The following CCDC85C variants were observed in gnomAD, a reference collection of about 807,000 sequenced individuals.
CCDC85C encodes coiled-coil domain-containing protein 85C.
A neutral mutation model predicts 38.3 loss-of-function variants in CCDC85C; 18 were observed. The ratio of observed to expected loss-of-function variants is 0.47; its 90% CI spans 0.33 to 0.70. The LOEUF (loss-of-function observed/expected upper bound fraction) is 0.70, where lower values mean the gene tolerates loss of function less well. CCDC85C is among the 30% of genes least tolerant of loss of function. CCDC85C has a pLI of 0.03. For missense variants in CCDC85C, 566 were observed against 621.2 expected (o/e 0.91, Z 0.94); for synonymous variants, 264 against 293.8 (o/e 0.90, Z 1.04).
Position 99,535,498 on chromosome 14 carries a change from C to T in CCDC85C, c.867+517G>A, listed in dbSNP as rs1897577722. Among the ~76,000 whole-genome samples, 1 of 152,150 alleles carries T rather than the reference C, an allele frequency of 6.6e-6. No homozygotes were observed. Among genetic ancestry groups the T allele is most frequent in the East Asian group, 1.9e-4 (1 of 5,176 alleles). ...CAAGAGGCACAGCCCCTCACCCAAC[C>T]CCACCTCCCCCCTACAGCCAACCCC... On this transcript the variant is annotated intron_variant, in intron 2 of 5. Coordinates refer to ENST00000380243, the MANE Select transcript of CCDC85C (RefSeq NM_001144995.2). This position sits in a 1 kb window ranked among gnomAD's most constrained non-coding sequence, Gnocchi z 5.5.
Position 99,515,161 on chromosome 14 carries a change from G to T in CCDC85C, c.*85C>A. The T allele has an allele frequency of 2.1e-6, 2 of 947,740 alleles. No homozygotes were observed. The highest frequency in any genetic ancestry group is 1.6e-6 in the Non-Finnish European group (1 of 619,790). 58.7% of individuals were successfully genotyped at this position (947,740 alleles called of 1,614,324 possible). A position where few individuals can be genotyped will look rare whatever the true frequency, so the allele number is the denominator to read the frequency against. On this transcript the variant is annotated 3_prime_UTR_variant, in exon 6 of 6. Transcript: ENST00000380243. ...CACAGAGGAAGAAGACAGGGGCTGGGCTGGAGGTCCTGCCCGTGTCTGGGG... is the reference window on the plus strand; with the variant it reads ...CACAGAGGAAGAAGACAGGGGCTGGTCTGGAGGTCCTGCCCGTGTCTGGGG...
chr14:99,543,164 C>T (rs926834980), intron 1 of CCDC85C, among the ~76,000 whole-genome samples: 3 of 152,176 alleles, frequency 2.0e-5, no homozygotes, highest in Non-Finnish European at 4.4e-5. Flanking sequence ...TTTCTTTGGG[C>T]AGAAGCCTCT....
At chr14:99,573,367 A>T (rs937019395) in intron 1 of CCDC85C, among the ~76,000 whole-genome samples, 1 of 152,116 alleles carries the variant, frequency 6.6e-6, no homozygotes, top group African/African-American at 2.4e-5. Context: ...CATTTTCCCA[A>T]TCCCCTTAGA....
At chr14:99,556,157 G>A (rs1420116907) in intron 1 of CCDC85C, among the ~76,000 whole-genome samples, 1 of 152,252 alleles carries the variant, frequency 6.6e-6, no homozygotes, top group Admixed American at 6.5e-5. Flanking sequence ...AGTGGCTCAC[G>A]CCTGTAATAC....
rs543802344 is a variant in CCDC85C, at chr14:99,580,660, T to A, written c.793+22507A>T. On this transcript the variant is annotated intron_variant, in intron 1 of 5. Coordinates refer to ENST00000380243, the MANE Select transcript of CCDC85C (RefSeq NM_001144995.2). Reference sequence around the variant, plus strand: ...TGTGTGGCTCATTTGACGTCAGGAGTTCAAGACCAGCCTGGCCAACATGGT... The same window carrying A: ...TGTGTGGCTCATTTGACGTCAGGAGATCAAGACCAGCCTGGCCAACATGGT... Among the ~76,000 whole-genome samples the A allele has an allele frequency of 4.6e-5, 7 of 150,838 alleles. No homozygotes were observed. In the South Asian group the frequency reaches 6.3e-4, roughly 14 times the overall value.
chr14:99,552,427 C>T (rs778923294), intron 1 of CCDC85C, among the ~76,000 whole-genome samples: 3 of 152,194 alleles, frequency 2.0e-5, no homozygotes, highest in Non-Finnish European at 4.4e-5. Context: ...TCAGAGAGAG[C>T]CTGGGCACAG....
intron 1 of CCDC85C, among the ~76,000 whole-genome samples, chr14:99,583,807 TAAAAAA>T (rs34283477): frequency 1.7e-5 from 2 of 115,154 alleles, no homozygotes; most frequent in Non-Finnish European, 3.7e-5. Flanking sequence ...GGCTCTGTCT[TAAAAAA>T]AAAAAAAAAA....
Position 99,604,132 on chromosome 14 carries a change from C to T in CCDC85C, c.-173G>A. 2.1e-6 allele frequency: 1 copy of T among 486,726 alleles called. No homozygotes were observed. Among genetic ancestry groups the T allele is most frequent in the Non-Finnish European group, 2.7e-6 (1 of 377,208 alleles). The allele number at this position is 486,726 out of a possible 1,614,324, so 30.2% of individuals were successfully genotyped here. On this transcript the variant is annotated 5_prime_UTR_variant, in exon 1 of 6. Coordinates refer to ENST00000380243, the MANE Select transcript of CCDC85C (RefSeq NM_001144995.2). The stretch of plus-strand genomic sequence containing the variant: ...CGCGCCCGCCGGGGCCGCCCGGGAG[C>T]CCGCGCGCCTCGGGGTTGACGAGCG...
chr14:99,534,841 A>G (rs10139529), intron 2 of CCDC85C: 16,501 of 633,472 alleles, frequency 0.026, 928 homozygotes, highest in African/African-American at 0.18. Flanking sequence ...ACCTGACAGC[A>G]AGGCATGAAA....
intron 1 of CCDC85C, among the ~76,000 whole-genome samples, chr14:99,595,829 A>G (rs2055136987): frequency 6.6e-6 from 1 of 152,214 alleles, no homozygotes; most frequent in African/African-American, 2.4e-5. Context: ...TAGATGAAAC[A>G]GGGACCCCAA....
rs1219569381 is a variant in CCDC85C at position 99,573,906 on chromosome 14, C to T, written c.793+29261G>A. ...GGCCTCTATGCAAGTGAGGGGCATG[C>T]GCTGGGGCCTCCCACACCCTCCCTA... On this transcript the variant is annotated intron_variant, in intron 1 of 5. Coordinates refer to ENST00000380243, the MANE Select transcript of CCDC85C (RefSeq NM_001144995.2). Among the ~76,000 whole-genome samples the T allele has an allele frequency of 4.6e-5, 7 of 152,292 alleles. No homozygotes were observed. The East Asian group carries it at 5.8e-4, about 13-fold the overall frequency.
chr14:99,557,466 T>C lies in CCDC85C; in HGVS notation c.794-21378A>G, dbSNP rs371563823. On this transcript the variant is annotated intron_variant, in intron 1 of 5. Coordinates refer to ENST00000380243, the MANE Select transcript of CCDC85C (RefSeq NM_001144995.2). ...CTCACCCATCTCCCTGTCTGTGCCA[T>C]TTCCCCATATAGAAACAAGGGTCAT... 8.5e-4 allele frequency among the ~76,000 whole-genome samples: 129 copies of C among 152,316 alleles called. 4 individuals carry two copies. In the South Asian group the frequency reaches 0.025, roughly 30 times the overall value.
chr14:99,515,213 G>A lies in CCDC85C; in HGVS notation c.*33C>T, dbSNP rs768309214. ...CTGAAACTCCCCCTGGGGACCCCCA[G>A]CAGGGCCAGTCCACGTCCACAGAAG... On this transcript the variant is annotated 3_prime_UTR_variant, in exon 6 of 6. Coordinates refer to ENST00000380243, the MANE Select transcript of CCDC85C (RefSeq NM_001144995.2). 3 of 1,510,072 alleles carry A rather than the reference G, an allele frequency of 2.0e-6. No homozygotes were observed. Among genetic ancestry groups the A allele is most frequent in the South Asian group, 1.2e-5 (1 of 82,614 alleles). 93.5% of individuals were successfully genotyped at this position (1,510,072 alleles called of 1,614,324 possible).
In CCDC85C at chr14:99,560,516, G is replaced by A. The variant is rs557233011; in HGVS notation, c.794-24428C>T. Among the ~76,000 whole-genome samples the A allele has an allele frequency of 8.5e-5, 13 of 152,304 alleles. No individual in the cohort carries two copies. The South Asian group carries it at 1.7e-3, about 19-fold the overall frequency. On this transcript the variant is annotated intron_variant, in intron 1 of 5. Transcript: ENST00000380243. The stretch of plus-strand genomic sequence containing the variant: ...CACCTGTATGCCAGGCGCCAGGCCC[G>A]GCCCCAGCACTGCTTCTCTATTCTC...
At chr14:99,560,876 G>T (rs1039476195) in intron 1 of CCDC85C, among the ~76,000 whole-genome samples, 2 of 152,210 alleles carry the variant, frequency 1.3e-5, no homozygotes, top group African/African-American at 4.8e-5. Context: ...GGGAAGCAAG[G>T]TCTGGAGAGG....
At chr14:99,518,531 C>A (rs577584510) in intron 3 of CCDC85C, among the ~76,000 whole-genome samples, 4 of 151,830 alleles carry the variant, frequency 2.6e-5, no homozygotes, top group Non-Finnish European at 5.9e-5. Flanking sequence ...GTGTAGGGAA[C>A]CCAACAGGGA....
intron 1 of CCDC85C, among the ~76,000 whole-genome samples, chr14:99,564,995 G>A (rs1352049718): frequency 6.6e-6 from 1 of 152,164 alleles, no homozygotes; most frequent in African/African-American, 2.4e-5. Flanking sequence ...GCAACCAACC[G>A]CCTTCCAAGG....
chr14:99,581,953 C>A (rs931575240), intron 1 of CCDC85C, among the ~76,000 whole-genome samples: 1 of 152,214 alleles, frequency 6.6e-6, no homozygotes, highest in Non-Finnish European at 1.5e-5. Context: ...CTTCTCCCAA[C>A]AAACCTGTGA....
chr14:99,578,542 T>A (rs1270052881), intron 1 of CCDC85C, among the ~76,000 whole-genome samples: 2 of 152,200 alleles, frequency 1.3e-5, no homozygotes, highest in Admixed American at 6.5e-5. Flanking sequence ...TGCACATGTC[T>A]CCACACCCAC....
Sources: allele counts gnomAD v4.1 joint callset (sites outside exome capture counted in the v4.1 genomes callset), GRCh38; gene constraint gnomAD v4.1.1; non-coding constraint Gnocchi (gnomAD v3.1); transcripts MANE v1.5; gene names NCBI Gene and HGNC (gene_info 2026-07-23, HGNC 2026-07-21).